The following SDK2 variants were observed in gnomAD, a reference collection of about 807,000 sequenced individuals.
The protein encoded by SDK2 is sidekick cell adhesion molecule 2.
A neutral mutation model predicts 253.9 loss-of-function variants in SDK2; 105 were observed. The ratio of observed to expected loss-of-function variants is 0.41; its 90% confidence interval spans 0.35 to 0.49. The LOEUF is 0.49. SDK2 is among the 20% of genes least tolerant of loss of function. The pLI, the probability that SDK2 is intolerant of heterozygous loss-of-function variation, is 0.06. For synonymous variants in SDK2, 1,249 were observed against 1,234.9 expected, an observed-to-expected ratio of 1.01 and a Z score of -0.24; for missense variants, 2,608 against 3,003.0, an observed-to-expected ratio of 0.87 and a Z score of 3.07.
At chr17:73,421,363 G>T (rs2063228372) in intron 15 of SDK2, among the ~76,000 whole-genome samples, 2 of 152,118 alleles carry the variant, frequency 1.3e-5, no homozygotes, top group Non-Finnish European at 2.9e-5. Flanking sequence ...ATTGATTTAA[G>T]CCCCAGGCGT....
intron 1 of SDK2, among the ~76,000 whole-genome samples, chr17:73,622,624 G>A (rs908206630): frequency 6.6e-6 from 1 of 152,198 alleles, no homozygotes; most frequent in Non-Finnish European, 1.5e-5. Context: ...CAAAGGGTAC[G>A]TAGAGACACT....
At chr17:73,580,997 T>G (rs909662204) in intron 1 of SDK2, among the ~76,000 whole-genome samples, 1 of 151,976 alleles carries the variant, frequency 6.6e-6, no homozygotes, top group Non-Finnish European at 1.5e-5. Context: ...GGCTCAAGTG[T>G]CTCAGCCTTC....
chr17:73,470,322 C>T (rs920159014), intron 3 of SDK2, among the ~76,000 whole-genome samples: 3 of 152,182 alleles, frequency 2.0e-5, no homozygotes, highest in African/African-American at 7.2e-5. Context: ...TCCTTGTGCA[C>T]ACACCCGCAC....
rs1283693357 is a variant in SDK2 at position 73,335,904 on chromosome 17, C to G, written c.*2683G>C. The G allele has an allele frequency of 6.6e-6, 1 of 152,380 alleles. No homozygotes were observed. The highest frequency in any genetic ancestry group is 6.5e-5 in the Admixed American group (1 of 15,284). 9.4% of individuals were successfully genotyped at this position (152,380 alleles called of 1,614,324 possible). On this transcript the variant is annotated 3_prime_UTR_variant, in exon 45 of 45. Coordinates refer to ENST00000392650, the MANE Select transcript of SDK2 (RefSeq NM_001144952.2). ...GTGTAAGCACAGGCGTGCATGGGCACCATCCCGCATGTACACGTAGGTGTC... is the reference window on the plus strand; with the variant it reads ...GTGTAAGCACAGGCGTGCATGGGCAGCATCCCGCATGTACACGTAGGTGTC...
chr17:73,539,148 C>G lies in SDK2; in HGVS notation c.65-31551G>C, dbSNP rs1008679806. On this transcript the variant is annotated intron_variant, in intron 1 of 44. Coordinates refer to ENST00000392650, the MANE Select transcript of SDK2 (RefSeq NM_001144952.2). The stretch of plus-strand genomic sequence containing the variant: ...CCCCATCCCCAAAGAGAAGAGGAAC[C>G]AGGCTATGTCCCACACCCCAAATCT... 5.9e-5 allele frequency among the ~76,000 whole-genome samples: 9 copies of G among 152,174 alleles called. No individual in the cohort carries two copies. In the South Asian group the frequency reaches 1.4e-3, roughly 25 times the overall value.
chr17:73,420,823 G>A (rs1364947562), intron 15 of SDK2, among the ~76,000 whole-genome samples: 1 of 151,266 alleles, frequency 6.6e-6, no homozygotes, highest in African/African-American at 2.4e-5. Context: ...TTACAGGCAC[G>A]TGCCGCCATG....
chr17:73,403,701 GT>G (rs1341642228), intron 18 of SDK2, among the ~76,000 whole-genome samples: 2 of 152,146 alleles, frequency 1.3e-5, no homozygotes, highest in Non-Finnish European at 2.9e-5. Context: ...TATAAAGGAT[GT>G]TTTGAAATTT....
Position 73,365,240 on chromosome 17 carries a change from G to A in SDK2, c.5305+18C>T, listed in dbSNP as rs201224103. 5.7e-4 allele frequency: 903 copies of A among 1,576,416 alleles called. 3 individuals carry two copies. In the African/African-American group the frequency reaches 0.011, roughly 20 times the overall value. Reference sequence around the variant, plus strand: ...GCAAAGTGGGGGGCTGGGGAGCTGTGCTGGGGGGTCCACTCACCATCCACG... The same window carrying A: ...GCAAAGTGGGGGGCTGGGGAGCTGTACTGGGGGGTCCACTCACCATCCACG... On this transcript the variant is annotated intron_variant, in intron 38 of 44. Transcript: ENST00000392650.
chr17:73,343,684 G>A (rs2145376266), intron 44 of SDK2, among the ~76,000 whole-genome samples: 1 of 152,346 alleles, frequency 6.6e-6, no homozygotes, highest in African/African-American at 2.4e-5. Context: ...GATGGGAGTG[G>A]GGAGGGAGGG....
intron 43 of SDK2, 145 bp from the exon 44 acceptor site, chr17:73,348,870 G>A (rs1240538032): frequency 3.1e-6 from 2 of 651,806 alleles, no homozygotes; most frequent in African/African-American, 1.8e-5. Flanking sequence ...CCTTCCAGGG[G>A]CCCGGGCCTG....
intron 3 of SDK2, among the ~76,000 whole-genome samples, chr17:73,470,290 A>AAC (rs150420133): frequency 1.9e-3 from 279 of 143,908 alleles, no homozygotes; most frequent in African/African-American, 5.2e-3. Context: ...CATGCATGCA[A>AAC]ACACACACAC....
chr17:73,596,338 G>T (rs1206834603), intron 1 of SDK2, among the ~76,000 whole-genome samples: 1 of 152,122 alleles, frequency 6.6e-6, no homozygotes, highest in Non-Finnish European at 1.5e-5. Context: ...CTGGGGACCT[G>T]GAGGAAGCCT....
chr17:73,368,393 G>C lies in SDK2; in HGVS notation c.5167+14C>G. The stretch of plus-strand genomic sequence containing the variant: ...CCGACCTACCCCTCCCCTCCTCAGG[G>C]CCCCCTCTCCCACCTGCTTGCTGGG... On this transcript the variant is annotated intron_variant, in intron 37 of 44. Coordinates refer to ENST00000392650, the MANE Select transcript of SDK2 (RefSeq NM_001144952.2). 1 of 1,496,866 alleles carries C rather than the reference G, an allele frequency of 6.7e-7. No homozygotes were observed. Among genetic ancestry groups the C allele is most frequent in the Non-Finnish European group, 8.9e-7 (1 of 1,119,250 alleles). The allele number at this position is 1,496,866 out of a possible 1,614,324, so 92.7% of individuals were successfully genotyped here. A position where few individuals can be genotyped will look rare whatever the true frequency, so the allele number is the denominator to read the frequency against.
Position 73,338,550 on chromosome 17 carries a change from G to T in SDK2, c.*37C>A. The stretch of plus-strand genomic sequence containing the variant: ...GAGAGGAGGGGTGAAGGAGGAGTTT[G>T]GTGCCATTTCTCTTTCTGCTTTTTC... On this transcript the variant is annotated 3_prime_UTR_variant, in exon 45 of 45. Coordinates refer to ENST00000392650, the MANE Select transcript of SDK2 (RefSeq NM_001144952.2). The surrounding 1 kb of genome is among the most constrained non-coding windows in gnomAD (Gnocchi z 5.0). The T allele has an allele frequency of 7.9e-7, 1 of 1,260,818 alleles. No homozygotes were observed. The highest frequency in any genetic ancestry group is 1.1e-6 in the Non-Finnish European group (1 of 916,226). The allele number at this position is 1,260,818 out of a possible 1,614,324, so 78.1% of individuals were successfully genotyped here.
chr17:73,507,788 C>T (rs959581055), intron 1 of SDK2, among the ~76,000 whole-genome samples, 191 bp from the exon 2 acceptor site: 9 of 152,146 alleles, frequency 5.9e-5, no homozygotes, highest in African/African-American at 1.4e-4. Flanking sequence ...CGGGAGTCAC[C>T]GACATCTGCC....
intron 1 of SDK2, among the ~76,000 whole-genome samples, chr17:73,563,130 A>G (rs1050323877): frequency 1.3e-5 from 2 of 152,172 alleles, no homozygotes; most frequent in Non-Finnish European, 1.5e-5. Context: ...CATGGAGGAG[A>G]CTCATGGCCT....
intron 1 of SDK2, among the ~76,000 whole-genome samples, chr17:73,599,560 A>C (rs1374535229): frequency 2.0e-5 from 3 of 149,892 alleles, no homozygotes; most frequent in African/African-American, 7.6e-5. Context: ...TAAATAAATA[A>C]AAATAAAGGG....
At chr17:73,507,641 C>G (rs1250880819) in intron 1 of SDK2, 44 bp from the exon 2 acceptor site, 1 of 1,536,610 alleles carries the variant, frequency 6.5e-7, no homozygotes, top group Admixed American at 2.0e-5. Context: ...CACTTGCTCA[C>G]CTATGTGACC....
chr17:73,373,075 A>C (rs981996995), intron 36 of SDK2, among the ~76,000 whole-genome samples: 2 of 151,988 alleles, frequency 1.3e-5, no homozygotes, highest in African/African-American at 4.8e-5. Flanking sequence ...CTCTGTTCCT[A>C]TGAGTTTGAT....
Sources: gnomAD v4.1 joint callset for allele counts (sites outside exome capture counted in the v4.1 genomes callset) on GRCh38, gnomAD v4.1.1 for gene constraint, Gnocchi (gnomAD v3.1) non-coding constraint, MANE v1.5 for transcripts, NCBI Gene and HGNC (gene_info 2026-07-23, HGNC 2026-07-21) for gene names.